UBE4B: variants seen among roughly 807,000 people sequenced by gnomAD.
UBE4B encodes ubiquitination factor E4B, also known as ubiquitin conjugation factor E4 B.
Under a neutral mutation model 148.1 loss-of-function variants are expected in UBE4B, and 27 were observed. The ratio of observed to expected loss-of-function variants is 0.18; its 90% CI spans 0.13 to 0.25. UBE4B has a LOEUF of 0.25. Among genes scored for constraint, UBE4B ranks in the 10% least tolerant of loss-of-function variants. UBE4B has a pLI of 1.00. For missense variants in UBE4B, 1,170 were observed against 1,662.4 expected (o/e 0.70, Z 5.15); for synonymous variants, 596 against 619.3 (o/e 0.96, Z 0.56).
At chr1:10,126,939 A>T (rs1037224146) in intron 11 of UBE4B, 62 bp downstream of exon 11, 1 of 1,424,330 alleles carries the variant, frequency 7.0e-7, no homozygotes, top group East Asian at 2.3e-5. Flanking sequence ...GATTATTTTG[A>T]CATATACTTT....
intron 2 of UBE4B, among the ~76,000 whole-genome samples, chr1:10,073,551 G>A (rs921125415): frequency 2.0e-5 from 3 of 151,910 alleles, no homozygotes; most frequent in Admixed American, 6.6e-5. Flanking sequence ...GTGAAAGCCC[G>A]TCTCACAAAA....
intron 2 of UBE4B, among the ~76,000 whole-genome samples, chr1:10,084,011 A>G (rs879489039): frequency 1.3e-5 from 2 of 151,980 alleles, no homozygotes; most frequent in Non-Finnish European, 2.9e-5. Context: ...ACTTTTCCCT[A>G]TCCGCAGCCC....
chr1:10,173,639 T>C (rs894660852), intron 25 of UBE4B, among the ~76,000 whole-genome samples: 3 of 151,666 alleles, frequency 2.0e-5, no homozygotes, highest in Non-Finnish European at 4.4e-5. Context: ...TGAGGTGGGG[T>C]CCACACCTGA....
chr1:10,034,536 T>C (rs1643429445), intron 1 of UBE4B, among the ~76,000 whole-genome samples: 1 of 152,106 alleles, frequency 6.6e-6, no homozygotes, highest in South Asian at 2.1e-4. Flanking sequence ...TTCCTATGAT[T>C]CTACTGCCTT....
intron 2 of UBE4B, among the ~76,000 whole-genome samples, chr1:10,080,382 T>A: frequency 6.7e-6 from 1 of 148,916 alleles, no homozygotes; most frequent in Non-Finnish European, 1.5e-5. Flanking sequence ...ATCCCACCAC[T>A]GCACTCCAGT....
At chr1:10,166,968 C>CAA (rs1468775270) in intron 23 of UBE4B, among the ~76,000 whole-genome samples, 46 of 133,472 alleles carry the variant, frequency 3.4e-4, no homozygotes, top group African/African-American at 1.0e-3. Context: ...CACACACACA[C>CAA]ACAAAAAAAA....
At chr1:10,137,642 C>G (rs931948936) in intron 17 of UBE4B, among the ~76,000 whole-genome samples, 1 of 152,126 alleles carries the variant, frequency 6.6e-6, no homozygotes, top group Non-Finnish European at 1.5e-5. Flanking sequence ...TTGGCTTGTT[C>G]TGTGGCATGA....
rs4543799 is a variant in UBE4B, at chr1:10,114,131, G to C, written c.1197-3328G>C. On this transcript the variant is annotated intron_variant, in intron 7 of 27. Coordinates refer to ENST00000343090, the MANE Select transcript of UBE4B (RefSeq NM_001105562.3). ...TCCCAGAAATGTAAAGATGTGAGAAGAATGGGGCTTATTATCAAGAAATAG... is the reference window on the plus strand; with the variant it reads ...TCCCAGAAATGTAAAGATGTGAGAACAATGGGGCTTATTATCAAGAAATAG... Among the ~76,000 whole-genome samples, 3 of 149,136 alleles carry C rather than the reference G, an allele frequency of 2.0e-5. No individual in the cohort carries two copies. The South Asian group carries it at 6.4e-4, about 32-fold the overall frequency.
chr1:10,039,678 G>A (rs1209061424), intron 1 of UBE4B, among the ~76,000 whole-genome samples: 1 of 151,614 alleles, frequency 6.6e-6, no homozygotes, highest in Admixed American at 6.6e-5. Context: ...GACCTCAAGT[G>A]GCCCACCTGC....
At chr1:10,129,521 G>A in intron 12 of UBE4B, 73 bp downstream of exon 12, 2 of 1,460,508 alleles carry the variant, frequency 1.4e-6, no homozygotes, top group Non-Finnish European at 1.9e-6. Flanking sequence ...CCTCTAGTGA[G>A]ATGGCCTGGA....
In UBE4B at chr1:10,059,887, T is replaced by G. The variant is rs118084717; in HGVS notation, c.25-12141T>G. On this transcript the variant is annotated intron_variant, in intron 1 of 27. Coordinates refer to ENST00000343090, the MANE Select transcript of UBE4B (RefSeq NM_001105562.3). ...CTTCAGCCCAAGCCAAGGGAAGGCT[T>G]CTTCTACCCAGGAGAGCTGAGGGGT... 9.6e-4 allele frequency among the ~76,000 whole-genome samples: 146 copies of G among 152,234 alleles called. 3 individuals are homozygous for G. The East Asian group carries it at 0.026, about 27-fold the overall frequency.
intron 1 of UBE4B, among the ~76,000 whole-genome samples, chr1:10,071,427 A>T (rs1020211157): frequency 3.3e-5 from 5 of 151,988 alleles, no homozygotes; most frequent in African/African-American, 1.2e-4. Context: ...GTCAAAAATT[A>T]AAAAAAATTA....
chr1:10,094,427 A>G (rs1196098735), intron 2 of UBE4B, among the ~76,000 whole-genome samples: 2 of 151,044 alleles, frequency 1.3e-5, no homozygotes, highest in African/African-American at 2.4e-5. Flanking sequence ...TCTAGATTCT[A>G]TCATTAACTT....
chr1:10,124,078 A>G (rs1645453069), intron 10 of UBE4B, among the ~76,000 whole-genome samples: 2 of 152,148 alleles, frequency 1.3e-5, no homozygotes, highest in Non-Finnish European at 2.9e-5. Flanking sequence ...CCTGGCCTCA[A>G]GCCATCATTT....
chr1:10,042,613 C>T (rs975954680), intron 1 of UBE4B, among the ~76,000 whole-genome samples: 1 of 152,318 alleles, frequency 6.6e-6, no homozygotes, highest in South Asian at 2.1e-4. Flanking sequence ...CACCACTGCA[C>T]TCTAGCCTGG....
chr1:10,176,784 CTTTTTTTTTTT>C lies in UBE4B; in HGVS notation c.3526-1851_3526-1841del, dbSNP rs946016031. Among the ~76,000 whole-genome samples the C allele has an allele frequency of 2.5e-5, 3 of 121,778 alleles. 1 individual carries two copies. Among genetic ancestry groups the C allele is most frequent in the Non-Finnish European group, 5.3e-5 (3 of 57,118 alleles). The allele number at this position is 121,778 out of a possible 152,430, so 79.9% of individuals were successfully genotyped here. ...TTGGAAGAGTTCTTTTTTTCTTTTT[CTTTTTTTTTTT>C]TTTTTTTTGAGATGGAGTCTCCCTC... is the stretch of plus-strand genomic sequence containing the variant. On this transcript the variant is annotated intron_variant, in intron 25 of 27. Transcript: ENST00000343090.
intron 1 of UBE4B, among the ~76,000 whole-genome samples, chr1:10,040,683 TCTC>T (rs1300801256): frequency 6.6e-6 from 1 of 150,678 alleles, no homozygotes; most frequent in Non-Finnish European, 1.5e-5. Context: ...AATGGCGCGA[TCTC>T]AGCTCGCTGC....
chr1:10,146,891 T>A (rs929694856), intron 18 of UBE4B, 72 bp from the exon 19 acceptor site: 6 of 1,574,246 alleles, frequency 3.8e-6, no homozygotes, highest in Non-Finnish European at 5.2e-6. Flanking sequence ...CTGGCCCCAG[T>A]CCCTGCCCAG....
intron 21 of UBE4B, among the ~76,000 whole-genome samples, chr1:10,157,038 C>CA (rs1225484208): frequency 2.0e-5 from 3 of 152,042 alleles, no homozygotes; most frequent in African/African-American, 7.2e-5. Flanking sequence ...ATTTTTGAGA[C>CA]AGAGTCTTGC....
Sources: gnomAD v4.1 joint callset for allele counts (sites outside exome capture counted in the v4.1 genomes callset) on GRCh38, gnomAD v4.1.1 for gene constraint, MANE v1.5 for transcripts, NCBI Gene and HGNC (gene_info 2026-07-23, HGNC 2026-07-21) for gene names.